ANKIB1: variants seen among roughly 807,000 people sequenced by gnomAD.
The protein encoded by ANKIB1 is ankyrin repeat and IBR domain-containing protein 1.
ANKIB1 carries 43 observed loss-of-function variants against 122.1 expected under a neutral mutation model. The ratio of observed to expected loss-of-function variants is 0.35; its 90% CI spans 0.28 to 0.45. The LOEUF is 0.45. Among genes scored for constraint, ANKIB1 ranks in the 20% least tolerant of loss-of-function variants. ANKIB1 has a pLI of 1.00. For synonymous variants in ANKIB1, 390 were observed against 442.0 expected (o/e 0.88, Z 1.48); for missense variants, 992 against 1,329.5 (o/e 0.75, Z 3.95).
chr7:92,260,197 A>G (rs1013835983), intron 1 of ANKIB1, among the ~76,000 whole-genome samples: 2 of 151,992 alleles, frequency 1.3e-5, no homozygotes, highest in African/African-American at 4.8e-5. Flanking sequence ...GCCTGCCCCT[A>G]TTCTCTTGAG....
Position 92,246,406 on chromosome 7 carries a change from G to A in ANKIB1, c.-204G>A, listed in dbSNP as rs192477176. 1,391 of 506,378 alleles carry A rather than the reference G, an allele frequency of 2.7e-3. 15 individuals carry two copies. Among genetic ancestry groups the A allele is most frequent in the African/African-American group, 0.025 (1,276 of 51,816 alleles). 31.4% of individuals were successfully genotyped at this position (506,378 alleles called of 1,614,324 possible). On this transcript the variant is annotated 5_prime_UTR_variant, in exon 1 of 20. Coordinates refer to ENST00000265742, the MANE Select transcript of ANKIB1 (RefSeq NM_019004.2). Reference sequence around the variant, plus strand: ...GGAAGGGGCAACCGTCCGGGTGGGTGGGGCGGGCTGGGTACCTGAGGTCAC... The same window carrying A: ...GGAAGGGGCAACCGTCCGGGTGGGTAGGGCGGGCTGGGTACCTGAGGTCAC...
At chr7:92,317,534 G>A (rs1432417657) in intron 3 of ANKIB1, among the ~76,000 whole-genome samples, 1 of 152,160 alleles carries the variant, frequency 6.6e-6, no homozygotes, top group East Asian at 1.9e-4. Context: ...AATATTTTAA[G>A]CATTGTGGCC....
At chr7:92,307,838 A>G (rs1802597811) in intron 3 of ANKIB1, among the ~76,000 whole-genome samples, 182 bp downstream of exon 3, 1 of 114,284 alleles carries the variant, frequency 8.8e-6, no homozygotes, top group African/African-American at 3.6e-5. Context: ...TTTTTGAGAC[A>G]GAGTCTTGCT....
At chr7:92,326,837 T>C (rs1263849333) in intron 4 of ANKIB1, among the ~76,000 whole-genome samples, 1 of 152,192 alleles carries the variant, frequency 6.6e-6, no homozygotes. Context: ...TCTTACTATG[T>C]TGCCCAGGCT....
rs760954881 is a variant in ANKIB1 at position 92,315,017 on chromosome 7, G to A, written c.487-4313G>A. Among the ~76,000 whole-genome samples, 87 of 150,780 alleles carry A rather than the reference G, an allele frequency of 5.8e-4. 1 individual carries two copies. The highest frequency in any genetic ancestry group is 2.5e-4 in the Non-Finnish European group (17 of 67,690). On this transcript the variant is annotated intron_variant, in intron 3 of 19. Transcript: ENST00000265742. ...TAATAAGAAAGCAAGGGAAAGAAAG[G>A]TTAAAAAAAAAAAGGATGGAGGCTC...
In ANKIB1 at chr7:92,400,038, A is replaced by G. The variant is rs1425002024; in HGVS notation, c.*1089A>G. The G allele has an allele frequency of 1.3e-5, 2 of 152,208 alleles. No homozygotes were observed. Among genetic ancestry groups the G allele is most frequent in the Admixed American group, 6.5e-5 (1 of 15,282 alleles). 9.4% of individuals were successfully genotyped at this position (152,208 alleles called of 1,614,324 possible). On this transcript the variant is annotated 3_prime_UTR_variant, in exon 20 of 20. Transcript: ENST00000265742. The stretch of plus-strand genomic sequence containing the variant: ...CCGTGCCTTTGCCTAACCTAAATGG[A>G]TAGTTGCCAGTTAAATAAGTGAGTA...
chr7:92,273,329 A>G, intron 1 of ANKIB1, among the ~76,000 whole-genome samples: 1 of 142,394 alleles, frequency 7.0e-6, no homozygotes, highest in South Asian at 2.1e-4. Flanking sequence ...TCAGTGATTC[A>G]ATGACATCAT....
chr7:92,290,054 C>T (rs971922359), intron 1 of ANKIB1, among the ~76,000 whole-genome samples: 4 of 152,176 alleles, frequency 2.6e-5, no homozygotes, highest in Non-Finnish European at 4.4e-5. Flanking sequence ...TGGGCTCAAG[C>T]GATCCTCCTG....
intron 11 of ANKIB1, among the ~76,000 whole-genome samples, chr7:92,383,258 C>T (rs992689575): frequency 3.3e-5 from 5 of 152,066 alleles, no homozygotes; most frequent in African/African-American, 1.2e-4. Context: ...AATAGCCTAC[C>T]AACCAAAAAG....
intron 9 of ANKIB1, among the ~76,000 whole-genome samples, chr7:92,355,871 T>TAAC (rs780146529): frequency 2.0e-5 from 3 of 148,254 alleles, no homozygotes; most frequent in African/African-American, 7.4e-5. Context: ...ATAATAATAA[T>TAAC]AATAATAATA....
At chr7:92,273,829 G>A (rs1419464518) in intron 1 of ANKIB1, among the ~76,000 whole-genome samples, 1 of 151,480 alleles carries the variant, frequency 6.6e-6, no homozygotes, top group Non-Finnish European at 1.5e-5. Flanking sequence ...CTGGAGTGCA[G>A]TGACATGATC....
At chr7:92,337,679 T>G (rs1803317100) in intron 5 of ANKIB1, among the ~76,000 whole-genome samples, 1 of 152,224 alleles carries the variant, frequency 6.6e-6, no homozygotes, top group African/African-American at 2.4e-5. Flanking sequence ...TCAAACAGAC[T>G]GAATGCTTCT....
chr7:92,295,219 G>A, intron 2 of ANKIB1, 53 bp downstream of exon 2: 3 of 1,274,130 alleles, frequency 2.4e-6, no homozygotes, highest in Non-Finnish European at 3.1e-6. Context: ...AAACTAATTG[G>A]TAACAAAGTG....
At chr7:92,316,386 G>A (rs141068975) in intron 3 of ANKIB1, among the ~76,000 whole-genome samples, 18 of 152,260 alleles carry the variant, frequency 1.2e-4, no homozygotes, top group Middle Eastern at 3.4e-3. Flanking sequence ...ACTTTATGCC[G>A]TAAAGGTCAG....
At chr7:92,393,642 C>G (rs1804830884) in intron 17 of ANKIB1, among the ~76,000 whole-genome samples, 1 of 152,040 alleles carries the variant, frequency 6.6e-6, no homozygotes, top group Non-Finnish European at 1.5e-5. Context: ...CTTTAGGAAT[C>G]CTGAAATATT....
chr7:92,396,069 A>G (rs1804884200), intron 17 of ANKIB1: 5 of 345,834 alleles, frequency 1.4e-5, no homozygotes, highest in Non-Finnish European at 2.6e-5. Context: ...TTAATTAGAT[A>G]ACAAGATCCT....
intron 1 of ANKIB1, among the ~76,000 whole-genome samples, chr7:92,282,293 A>G (rs1256239871): frequency 6.6e-6 from 1 of 152,098 alleles, no homozygotes; most frequent in Non-Finnish European, 1.5e-5. Context: ...AGCTGGCATT[A>G]CAGGCACGTG....
intron 2 of ANKIB1, among the ~76,000 whole-genome samples, chr7:92,295,817 T>G (rs1005552531): frequency 6.6e-5 from 10 of 152,188 alleles, no homozygotes; most frequent in African/African-American, 2.2e-4. Context: ...TATATGAAGA[T>G]TCTTACCTAA....
chr7:92,349,439 T>C (rs548700369), intron 7 of ANKIB1, among the ~76,000 whole-genome samples: 340 of 152,198 alleles, frequency 2.2e-3, no homozygotes, highest in African/African-American at 7.0e-3. Context: ...GTTGCTGCTG[T>C]TGTTGTTGTT....
Sources: allele counts gnomAD v4.1 joint callset (sites outside exome capture counted in the v4.1 genomes callset), GRCh38; gene constraint gnomAD v4.1.1; transcripts MANE v1.5; gene names NCBI Gene and HGNC (gene_info 2026-07-23, HGNC 2026-07-21).